Variants in FSTL4 observed in about 807,000 individuals in gnomAD.
FSTL4 encodes the protein follistatin like 4, also known as follistatin-related protein 4.
In FSTL4, 28 loss-of-function variants were observed where a neutral mutation model predicts 78.2. The observed-to-expected ratio is 0.36, with a 90% CI of 0.27 to 0.49. The LOEUF is 0.49. Ranked by LOEUF, FSTL4 falls within the 20% of genes least tolerant of loss-of-function variation. FSTL4 has a pLI of 0.98. For missense variants in FSTL4, 922 were observed against 1,084.9 expected, an observed-to-expected ratio of 0.85 and a Z score of 2.11; for synonymous variants, 422 against 440.5, an observed-to-expected ratio of 0.96 and a Z score of 0.53.
Position 133,249,435 on chromosome 5 carries a change from T to C in FSTL4, c.869A>G (p.Asn290Ser). The C allele has an allele frequency of 1.2e-6, 2 of 1,614,014 alleles. No homozygotes were observed. Among genetic ancestry groups the C allele is most frequent in the Non-Finnish European group, 1.7e-6 (2 of 1,179,958 alleles). Residue 290 changes from asparagine (N) to serine (S), a missense_variant, in exon 7 of 16, where the codon AAC becomes AGC. Coordinates refer to ENST00000265342, the MANE Select transcript of FSTL4 (RefSeq NM_015082.2). ...ATTGATGTCTTCCAAGTCCAGGAAG[T>C]TCAGGGTGAGCCCGTTGCGCTTCCA... ...IIWKRNGLTL[N>S]FLDLEDINDF...
chr5:133,706,078 C>T, the FSTL4 span, among the ~76,000 whole-genome samples: 3 of 152,280 alleles, frequency 2.0e-5, no homozygotes, highest in South Asian at 2.1e-4. Flanking sequence ...CCAATAGCAC[C>T]GTAATAGGAA....
rs73283647 is a variant in FSTL4 at position 133,489,806 on chromosome 5, A to G, written c.160+77380T>C. Among the ~76,000 whole-genome samples, 757 of 152,312 alleles carry G rather than the reference A, an allele frequency of 5.0e-3. 4 individuals are homozygous for G. The highest frequency in any genetic ancestry group is 0.018 in the African/African-American group (734 of 41,568). On this transcript the variant is annotated intron_variant, in intron 3 of 15. Coordinates refer to ENST00000265342, the MANE Select transcript of FSTL4 (RefSeq NM_015082.2). Reference sequence around the variant, plus strand: ...AGGTGGTGACAAAAGACAAGGAGACACTTATCACTGACATTTGAACAGATG... The same window carrying G: ...AGGTGGTGACAAAAGACAAGGAGACGCTTATCACTGACATTTGAACAGATG...
rs1002897326 is a variant in FSTL4 at position 133,198,389 on chromosome 5, G to A, written c.*706C>T. 1 of 152,550 alleles carries A rather than the reference G, an allele frequency of 6.6e-6. No homozygotes were observed. The highest frequency in any genetic ancestry group is 2.4e-5 in the African/African-American group (1 of 41,422). 9.4% of individuals were successfully genotyped at this position (152,550 alleles called of 1,614,324 possible). ...TTCTGGCTGTGGGATGTGGGGTTGT[G>A]ACCACCCCCGAGACTCGGCCTAAGG... is the stretch of plus-strand genomic sequence containing the variant. On this transcript the variant is annotated 3_prime_UTR_variant, in exon 16 of 16. Transcript: ENST00000265342.
chr5:133,827,189 G>A, the FSTL4 span, among the ~76,000 whole-genome samples: 19 of 152,238 alleles, frequency 1.2e-4, no homozygotes, highest in South Asian at 3.3e-3. Flanking sequence ...CTGCCTCAGC[G>A]CCCCCAGCAG....
At chr5:133,217,405 T>G in intron 12 of FSTL4, 27 bp from the exon 13 acceptor site, 1 of 1,609,884 alleles carries the variant, frequency 6.2e-7, no homozygotes, top group Middle Eastern at 1.7e-4. Context: ...CTGTCATATA[T>G]CTTCTTAATT....
chr5:133,436,414 T>A (rs1580707114), intron 3 of FSTL4, among the ~76,000 whole-genome samples: 1 of 151,956 alleles, frequency 6.6e-6, no homozygotes, highest in African/African-American at 2.4e-5. Context: ...GTTAGTGGGG[T>A]TAGGCATGGA....
At chr5:133,702,376 G>A in the FSTL4 span, among the ~76,000 whole-genome samples, 2 of 152,192 alleles carry the variant, frequency 1.3e-5, no homozygotes, top group African/African-American at 2.4e-5. Context: ...CAGACCAGCG[G>A]CAGGTGCTGG....
At chr5:133,489,281 T>A (rs1375159363) in intron 3 of FSTL4, among the ~76,000 whole-genome samples, 2 of 152,114 alleles carry the variant, frequency 1.3e-5, no homozygotes, top group Non-Finnish European at 2.9e-5. Flanking sequence ...TTGCACTGAG[T>A]GTTGGGATGG....
intron 11 of FSTL4, among the ~76,000 whole-genome samples, chr5:133,221,920 T>TTTG (rs1751145178): frequency 2.3e-5 from 3 of 130,402 alleles, no homozygotes; most frequent in African/African-American, 9.5e-5. Flanking sequence ...TTTTTTTTTT[T>TTTG]TTTTTTTAGC....
At chr5:133,313,003 C>A (rs552474318) in intron 5 of FSTL4, among the ~76,000 whole-genome samples, 6 of 152,200 alleles carry the variant, frequency 3.9e-5, no homozygotes, top group African/African-American at 1.4e-4. Flanking sequence ...GTGCTTGGGG[C>A]AGACTCTAGA....
At chr5:133,824,765 A>G in the FSTL4 span, among the ~76,000 whole-genome samples, 5 of 152,138 alleles carry the variant, frequency 3.3e-5, no homozygotes, top group African/African-American at 1.2e-4. Flanking sequence ...ATCCTTGAGC[A>G]GGGGAGAGGT....
chr5:133,507,616 G>A (rs1758636018), intron 3 of FSTL4, among the ~76,000 whole-genome samples: 1 of 150,896 alleles, frequency 6.6e-6, no homozygotes, highest in African/African-American at 2.4e-5. Flanking sequence ...TCCACCTCCT[G>A]GGTTCAAGAG....
chr5:133,252,770 G>A (rs1752291257), intron 6 of FSTL4, among the ~76,000 whole-genome samples: 1 of 152,134 alleles, frequency 6.6e-6, no homozygotes, highest in African/African-American at 2.4e-5. Context: ...AGCGGCTCTA[G>A]AGAAAGGTCT....
the FSTL4 span, among the ~76,000 whole-genome samples, chr5:133,662,769 G>A: frequency 6.6e-6 from 1 of 152,150 alleles, no homozygotes; most frequent in Non-Finnish European, 1.5e-5. Context: ...CTGGCTCAAC[G>A]TGGCTCAGGC....
At chr5:133,308,848 CT>C (rs1753712653) in intron 6 of FSTL4, among the ~76,000 whole-genome samples, 2 of 152,252 alleles carry the variant, frequency 1.3e-5, no homozygotes, top group Non-Finnish European at 1.5e-5. Context: ...TCCTGACACC[CT>C]GCCTGTGTGG....
intron 3 of FSTL4, among the ~76,000 whole-genome samples, chr5:133,546,492 C>A (rs2545543): frequency 7.7e-6 from 1 of 129,450 alleles, no homozygotes; most frequent in African/African-American, 2.9e-5. Context: ...GCTGACAGAG[C>A]GAGACTTTGT....
At chr5:133,228,549 G>T (rs772789835) in intron 8 of FSTL4, among the ~76,000 whole-genome samples, 2 of 152,120 alleles carry the variant, frequency 1.3e-5, no homozygotes, top group Non-Finnish European at 2.9e-5. Flanking sequence ...AAACTAGCAT[G>T]GTATTAAAAG....
At chr5:133,211,023 T>C (rs964141094) in intron 13 of FSTL4, 1 of 152,254 alleles carries the variant, frequency 6.6e-6, no homozygotes, top group African/African-American at 2.4e-5. Context: ...TCATCTGAGG[T>C]GGACTTTGAG....
intron 3 of FSTL4, among the ~76,000 whole-genome samples, chr5:133,461,748 T>C (rs924451599): frequency 3.5e-4 from 53 of 152,258 alleles, no homozygotes; most frequent in African/African-American, 1.3e-3. Context: ...TTATACCATT[T>C]ATATGATTTA....
Sources: allele counts gnomAD v4.1 joint callset (sites outside exome capture counted in the v4.1 genomes callset), GRCh38; gene constraint gnomAD v4.1.1; transcripts MANE v1.5; gene names NCBI Gene and HGNC (gene_info 2026-07-23, HGNC 2026-07-21).